FAM98C: variants seen among roughly 807,000 people sequenced by gnomAD.
The protein encoded by FAM98C is protein FAM98C.
A neutral mutation model predicts 41.1 loss-of-function variants in FAM98C; 38 were observed. The observed-to-expected ratio is 0.92, with a 90% CI of 0.71 to 1.21. The LOEUF is 1.21. Among genes scored for constraint, FAM98C ranks in the 50% most tolerant of loss-of-function variants. The pLI, the probability that FAM98C is intolerant of heterozygous loss-of-function variation, is 0.00. For missense variants in FAM98C, 493 were observed against 484.7 expected, an observed-to-expected ratio of 1.02 and a Z score of -0.16; for synonymous variants, 195 against 216.7, an observed-to-expected ratio of 0.90 and a Z score of 0.88.
chr19:38,403,311 C>T, intron 1 of FAM98C, 27 bp from the exon 2 acceptor site: 2 of 1,492,300 alleles, frequency 1.3e-6, no homozygotes, highest in Non-Finnish European at 1.8e-6. Context: ...ACATCCCCGC[C>T]CCCTCCCGCT....
intron 6 of FAM98C, 166 bp from the exon 7 acceptor site, chr19:38,406,744 C>CA: frequency 1.4e-6 from 1 of 693,216 alleles, no homozygotes; most frequent in East Asian, 2.8e-5. Context: ...ACCATCACGC[C>CA]ACCACACTCC....
chr19:38,405,570 C>A lies in FAM98C; in HGVS notation c.685C>A (p.Arg229Ser), dbSNP rs779342574. Residue 229 changes from arginine (R) to serine (S), a missense_variant, in exon 6 of 8, where the codon CGC becomes AGC. Arg to Ser is a moderately radical substitution (Grantham distance 110, BLOSUM62 -1). Coordinates refer to ENST00000252530, the MANE Select transcript of FAM98C (RefSeq NM_174905.4). ...QSLRDQYRCR[R>S]CLLLKRLDLT... ...CCTCAGAGATCAGTACCGCTGCCGC[C>A]GCTGCCTCCTCCTCAAGCGCCTTGA... The A allele has an allele frequency of 1.2e-6, 2 of 1,614,058 alleles. No individual in the cohort carries two copies. The highest frequency in any genetic ancestry group is 1.7e-6 in the Non-Finnish European group (2 of 1,180,056).
chr19:38,403,412 C>A lies in FAM98C; in HGVS notation c.140C>A (p.Ala47Glu), dbSNP rs1221723462. 2 of 1,436,520 alleles carry A rather than the reference C, an allele frequency of 1.4e-6. No homozygotes were observed. The highest frequency in any genetic ancestry group is 1.8e-6 in the Non-Finnish European group (2 of 1,106,968). 89.0% of individuals were successfully genotyped at this position (1,436,520 alleles called of 1,614,324 possible). The change falls in exon 2 of 8, where the codon GCG becomes GAG. Residue 47 changes from alanine (A) to glutamate (E), a missense_variant. Physicochemically the swap from Ala to Glu is moderately radical, Grantham distance 107. Transcript: ENST00000252530. ...PDFRGLCVRL[A>E]AELATLGALE... ...TTCAGGGGGCTGTGCGTGCGGCTGG[C>A]GGCGGAGCTGGCGACGCTGGGCGCC...
At chr19:38,408,615 C>A in intron 7 of FAM98C, 136 bp from the exon 8 acceptor site, 1 of 1,127,404 alleles carries the variant, frequency 8.9e-7, no homozygotes, top group Non-Finnish European at 1.3e-6. Flanking sequence ...AGTTCAGTCC[C>A]CCCTCCCCCA....
intron 3 of FAM98C, chr19:38,404,630 A>C: frequency 5.4e-6 from 2 of 369,170 alleles, no homozygotes; most frequent in Non-Finnish European, 1.0e-5. Flanking sequence ...TTCCTGGTTC[A>C]AGCGATTTTC....
rs781443555 is a variant in FAM98C at position 38,407,028 on chromosome 19, C to T, written c.869C>T (p.Pro290Leu). The T allele has an allele frequency of 1.9e-5, 31 of 1,614,062 alleles. No homozygotes were observed. The highest frequency in any genetic ancestry group is 4.0e-5 in the African/African-American group (3 of 74,944). The change falls in exon 7 of 8, where the codon CCA becomes CTA. Residue 290 changes from proline (P) to leucine (L), a missense_variant. Coordinates refer to ENST00000252530, the MANE Select transcript of FAM98C (RefSeq NM_174905.4). Reference sequence around the variant, plus strand: ...CGAGCCGACCTGTCTTGTCTCGTCCCAGCCACCAGCGTGGCTGTCCGCAGA... The same window carrying T: ...CGAGCCGACCTGTCTTGTCTCGTCCTAGCCACCAGCGTGGCTGTCCGCAGA... ...AARADLSCLV[P>L]ATSVAVRRGT... is the part of the protein sequence containing the mutation.
intron 3 of FAM98C, chr19:38,404,691 C>T: frequency 1.9e-6 from 1 of 522,950 alleles, no homozygotes; most frequent in Admixed American, 3.1e-5. Context: ...CCACTATGTC[C>T]TGCTAATTTT....
Position 38,407,003 on chromosome 19 carries a change from CG to C in FAM98C, c.845del (p.Arg282GlnfsTer84), listed in dbSNP as rs759978373. ...DISIAHVLAA[R>X]ADLSCLVPAT... ...CTCCATTGCACACGTTCTGGCTGCC[CG>C]AGCCGACCTGTCTTGTCTCGTCCCA... On this transcript the variant is annotated frameshift_variant, in exon 7 of 8. Coordinates refer to ENST00000252530, the MANE Select transcript of FAM98C (RefSeq NM_174905.4). LOFTEE classifies it high-confidence loss of function. 3 of 1,614,162 alleles carry C rather than the reference CG, an allele frequency of 1.9e-6. No individual in the cohort carries two copies. The highest frequency in any genetic ancestry group is 2.5e-6 in the Non-Finnish European group (3 of 1,180,032).
At chr19:38,408,528 C>T (rs1971083592) in intron 7 of FAM98C, 1 of 518,830 alleles carries the variant, frequency 1.9e-6, no homozygotes, top group Non-Finnish European at 3.4e-6. Flanking sequence ...CACTGCACTC[C>T]AGCCTGGGCA....
intron 7 of FAM98C, 142 bp from the exon 8 acceptor site, chr19:38,408,609 C>T (rs1971086436): frequency 1.9e-6 from 2 of 1,030,818 alleles, no homozygotes; most frequent in Admixed American, 2.1e-5. Context: ...TCCACCAGTT[C>T]AGTCCCCCCT....
At chr19:38,403,739 C>G in intron 3 of FAM98C, 45 bp downstream of exon 3, 2 of 1,366,542 alleles carry the variant, frequency 1.5e-6, no homozygotes, top group Non-Finnish European at 1.9e-6. Context: ...GCCTCCGGAG[C>G]GGCGGGCTCT....
At position 38,407,022 on chromosome 19, in the gene FAM98C, T is replaced by C. The variant is rs1361443253; in HGVS notation, c.863T>C (p.Leu288Pro). Residue 288 changes from leucine (L) to proline (P), a missense_variant, in exon 7 of 8, where the codon CTC becomes CCC. Transcript: ENST00000252530. ...GCTGCCCGAGCCGACCTGTCTTGTC[T>C]CGTCCCAGCCACCAGCGTGGCTGTC... The part of the protein sequence containing the change: ...VLAARADLSC[L>P]VPATSVAVRR... 4 of 1,614,036 alleles carry C rather than the reference T, an allele frequency of 2.5e-6. No homozygotes were observed. The highest frequency in any genetic ancestry group is 3.4e-6 in the Non-Finnish European group (4 of 1,180,052).
At chr19:38,405,743 A>C in intron 6 of FAM98C, 108 bp downstream of exon 6, 3 of 1,041,828 alleles carry the variant, frequency 2.9e-6, no homozygotes, top group Non-Finnish European at 4.4e-6. Context: ...GCAGGTTCTC[A>C]GGCCATGGAC....
Position 38,403,479 on chromosome 19 carries a change from C to T in FAM98C, c.207C>T (p.Ala69=). 7.1e-7 allele frequency: 1 copy of T among 1,405,950 alleles called. No homozygotes were observed. The highest frequency in any genetic ancestry group is 3.0e-5 in the East Asian group (1 of 33,634). The allele number at this position is 1,405,950 out of a possible 1,614,324, so 87.1% of individuals were successfully genotyped here. The change falls in exon 2 of 8, where the codon GCC becomes GCT. Residue 69 remains alanine (A), a synonymous_variant. Coordinates refer to ENST00000252530, the MANE Select transcript of FAM98C (RefSeq NM_174905.4). The part of the protein sequence containing the change: ...QREAGAEVLS[A]GDGPGAEEDF... ...AGGCGGGCGCGGAGGTGCTGAGCGC[C>T]GGCGACGGTAAACACGGAGCGGGAG...
At chr19:38,404,563 G>A (rs950861492) in intron 3 of FAM98C, 4 of 230,146 alleles carry the variant, frequency 1.7e-5, no homozygotes, top group African/African-American at 4.5e-5. Context: ...ATGGAGTCTC[G>A]CCCTGTTGCC....
chr19:38,408,841 G>A lies in FAM98C; in HGVS notation c.1009G>A (p.Gly337Ser), dbSNP rs1352976657. 1.2e-6 allele frequency: 2 copies of A among 1,603,958 alleles called. No individual in the cohort carries two copies. Among genetic ancestry groups the A allele is most frequent in the African/African-American group, 2.7e-5 (2 of 73,978 alleles). ...CTGGAGGAGCCGAAGAGAGGATGGAGGCCCCCAGTGTTGGGGTCGCAAGAA... is the reference window on the plus strand; with the variant it reads ...CTGGAGGAGCCGAAGAGAGGATGGAAGCCCCCAGTGTTGGGGTCGCAAGAA... ...PTWRSRREDG[G>S]PQCWGRKKKK... Residue 337 changes from glycine to serine, a missense_variant, in exon 8 of 8, where the codon GGC becomes AGC. By Grantham distance (56) the Gly-to-Ser change is moderately conservative. Coordinates refer to ENST00000252530, the MANE Select transcript of FAM98C (RefSeq NM_174905.4).
chr19:38,407,355 A>C (rs1165245032), intron 7 of FAM98C: 11 of 389,252 alleles, frequency 2.8e-5, no homozygotes, highest in Admixed American at 1.6e-4. Context: ...ACCAAACACT[A>C]CCTATTTGTT....
At position 38,408,769 on chromosome 19, in the gene FAM98C, C is replaced by G. The variant is rs1184665178; in HGVS notation, c.937C>G (p.Pro313Ala). 1.9e-6 allele frequency: 3 copies of G among 1,613,956 alleles called. No homozygotes were observed. In the African/African-American group the frequency reaches 4.0e-5, roughly 22 times the overall value. ...AINKVLMGNV[P>A]DRGGRPNELE... ...CTCTCAGGTGCTTATGGGCAACGTT[C>G]CAGACCGGGGGGGCCGCCCAAATGA... The change falls in exon 8 of 8, where the codon CCA becomes GCA. Residue 313 changes from proline to alanine, a missense_variant. Physicochemically the swap from Pro to Ala is conservative, Grantham distance 27. Transcript: ENST00000252530.
intron 3 of FAM98C, 22 bp downstream of exon 3, chr19:38,403,716 T>C (rs1015021975): frequency 2.2e-6 from 3 of 1,394,372 alleles, no homozygotes; most frequent in East Asian, 2.9e-5. Context: ...GATGCAGAAG[T>C]GGCAAGGCCA....
Sources: allele counts gnomAD v4.1 joint callset, GRCh38; gene constraint gnomAD v4.1.1; transcripts MANE v1.5; gene names NCBI Gene and HGNC (gene_info 2026-07-23, HGNC 2026-07-21).